ADAP1: variants seen among roughly 807,000 people sequenced by gnomAD.
The protein encoded by ADAP1 is arf-GAP with dual PH domain-containing protein 1.
Under a neutral mutation model 54.9 loss-of-function variants are expected in ADAP1, and 31 were observed. The observed-to-expected ratio is 0.56, with a 90% CI of 0.42 to 0.76. The LOEUF is 0.76. Ranked by LOEUF, ADAP1 falls within the 30% of genes least tolerant of loss-of-function variation. The pLI is 0.00. For missense variants in ADAP1, 535 were observed against 512.4 expected (o/e 1.04, Z -0.42); for synonymous variants, 313 against 202.6 (o/e 1.55, Z -4.63).
chr7:919,901 T>TGGGGGAGGGAGGGAGAGAGCCA, intron 4 of ADAP1, 67 bp downstream of exon 4: 3 of 700,230 alleles, frequency 4.3e-6, no homozygotes, highest in Non-Finnish European at 5.6e-6. Flanking sequence ...GGGAAAGAGA[T>TGGGGGAGGGAGGGAGAGAGCCA]GGGGGAGGGA....
At chr7:922,170 G>A (rs1408772967) in intron 3 of ADAP1, among the ~76,000 whole-genome samples, 1 of 152,122 alleles carries the variant, frequency 6.6e-6, no homozygotes, top group African/African-American at 2.4e-5. Flanking sequence ...ACGTGGTCAC[G>A]AGGAGGTGGG....
intron 7 of ADAP1, 92 bp downstream of exon 7, chr7:900,441 C>A (rs148868437): frequency 2.2e-6 from 3 of 1,372,852 alleles, no homozygotes; most frequent in African/African-American, 2.9e-5. Context: ...TAGGGCTCAA[C>A]ATCATCCCAG....
At chr7:942,622 G>C (rs868865158) in intron 1 of ADAP1, among the ~76,000 whole-genome samples, 859 of 27,250 alleles carry the variant, frequency 0.032, no homozygotes, top group South Asian at 0.059. Context: ...AAGGGAGAGA[G>C]GAGGAGGAAG....
rs753011009 is a variant in ADAP1, at chr7:899,534, G to C, written c.796-44C>G. The C allele has an allele frequency of 3.1e-6, 5 of 1,593,346 alleles. No individual in the cohort carries two copies. In the South Asian group the frequency reaches 5.7e-5, roughly 18 times the overall value. ...CCGTGACCGGCAGGTCGCCGAGGCA[G>C]GCCCTACATCCAGCTGACCACAGCA... On this transcript the variant is annotated intron_variant, in intron 8 of 10. Coordinates refer to ENST00000265846, the MANE Select transcript of ADAP1 (RefSeq NM_006869.4).
At chr7:944,894 G>C (rs1029262774) in intron 1 of ADAP1, among the ~76,000 whole-genome samples, 2 of 151,980 alleles carry the variant, frequency 1.3e-5, no homozygotes, top group African/African-American at 4.8e-5. Flanking sequence ...ACCCTGGGAG[G>C]GAAGAGCCCG....
chr7:914,640 C>T lies in ADAP1; in HGVS notation c.388+5328G>A, dbSNP rs989850142. Among the ~76,000 whole-genome samples the T allele has an allele frequency of 5.3e-5, 8 of 152,296 alleles. 2 individuals are homozygous for T. The highest frequency in any genetic ancestry group is 4.1e-4 in the South Asian group (2 of 4,828). Reference sequence around the variant, plus strand: ...ATGGACACCTGCTCCCTCATCCATCCAGCAAAGGGCAGAACCTAGGGTTCC... The same window carrying T: ...ATGGACACCTGCTCCCTCATCCATCTAGCAAAGGGCAGAACCTAGGGTTCC... On this transcript the variant is annotated intron_variant, in intron 4 of 10. Transcript: ENST00000265846.
chr7:906,906 A>T lies in ADAP1; in HGVS notation c.389-1734T>A, dbSNP rs546323537. The stretch of plus-strand genomic sequence containing the variant: ...AACCCTGGCCCAAGCCAGCCTGAGG[A>T]CGGCCTGGATGAGCGGGACTCCAGC... On this transcript the variant is annotated intron_variant, in intron 4 of 10. Transcript: ENST00000265846. 9.1e-5 allele frequency among the ~76,000 whole-genome samples: 13 copies of T among 142,560 alleles called. No individual in the cohort carries two copies. In the South Asian group the frequency reaches 3.0e-3, roughly 33 times the overall value. The allele number at this position is 142,560 out of a possible 152,430, so 93.5% of individuals were successfully genotyped here.
intron 4 of ADAP1, among the ~76,000 whole-genome samples, chr7:915,268 A>G (rs1401674650): frequency 6.6e-6 from 1 of 152,002 alleles, no homozygotes; most frequent in Non-Finnish European, 1.5e-5. Flanking sequence ...TGTGCCGCAC[A>G]CACCCGTACA....
upstream of ADAP1, chr7:955,345 T>G: frequency 6.5e-7 from 1 of 1,550,362 alleles, no homozygotes; most frequent in Non-Finnish European, 8.7e-7. Context: ...TCTTTTCAAA[T>G]TCTTTCCATT....
intron 4 of ADAP1, among the ~76,000 whole-genome samples, chr7:906,537 AGGAGAAGGGAGAAAG>A (rs199735610): frequency 3.1e-5 from 1 of 32,394 alleles, no homozygotes; most frequent in Non-Finnish European, 5.5e-5. Flanking sequence ...GAAAGGAGAA[AGGAGAAGGGAGAAAG>A]GGAGAAAGGG....
intron 5 of ADAP1, among the ~76,000 whole-genome samples, chr7:904,848 C>T (rs963349601): frequency 1.3e-5 from 2 of 152,210 alleles, no homozygotes; most frequent in Non-Finnish European, 2.9e-5. Flanking sequence ...CGCCCAGGCT[C>T]CTGGAAAGCC....
At chr7:951,101 G>A (rs144753527) in intron 1 of ADAP1, among the ~76,000 whole-genome samples, 98 of 152,074 alleles carry the variant, frequency 6.4e-4, no homozygotes, top group African/African-American at 2.0e-3. Flanking sequence ...CCGGCCAGGC[G>A]CGGTGGCTCA....
intron 4 of ADAP1, among the ~76,000 whole-genome samples, chr7:911,535 A>AAG (rs1845722505): frequency 1.4e-5 from 2 of 140,440 alleles, no homozygotes; most frequent in Non-Finnish European, 3.0e-5. Context: ...ATGCCAGGAA[A>AAG]GGGGCGGGGA....
chr7:898,709 G>A lies in ADAP1; in HGVS notation c.*212C>T. ...GTGTGGTCAGCAGCAGCATGACGGG[G>A]TTAGAGATCAGGCCCAGGGCCTGGG... is the stretch of plus-strand genomic sequence containing the variant. On this transcript the variant is annotated 3_prime_UTR_variant, in exon 11 of 11. Transcript: ENST00000265846. 3.1e-6 allele frequency: 2 copies of A among 637,432 alleles called. No individual in the cohort carries two copies. Among genetic ancestry groups the A allele is most frequent in the South Asian group, 1.9e-5 (1 of 52,822 alleles). The allele number at this position is 637,432 out of a possible 1,614,324, so 39.5% of individuals were successfully genotyped here. A position where few individuals can be genotyped will look rare whatever the true frequency, so the allele number is the denominator to read the frequency against.
intron 5 of ADAP1, 65 bp downstream of exon 5, chr7:904,995 C>T (rs1269095211): frequency 2.1e-6 from 3 of 1,416,104 alleles, no homozygotes; most frequent in African/African-American, 2.8e-5. Flanking sequence ...ACCACAGGCC[C>T]CAGTGTGGGA....
intron 2 of ADAP1, chr7:927,338 C>G: frequency 1.1e-6 from 1 of 948,758 alleles, no homozygotes; most frequent in African/African-American, 1.7e-5. Flanking sequence ...TGGACGCTGG[C>G]AATGACCCTG....
At chr7:914,405 G>A (rs779528838) in intron 4 of ADAP1, among the ~76,000 whole-genome samples, 2 of 152,216 alleles carry the variant, frequency 1.3e-5, no homozygotes, top group South Asian at 4.1e-4. Flanking sequence ...CAGGAACGCC[G>A]CCGGGAATCC....
rs527337224 is a variant in ADAP1 at position 912,678 on chromosome 7, G to C, written c.388+7290C>G. On this transcript the variant is annotated intron_variant, in intron 4 of 10. Coordinates refer to ENST00000265846, the MANE Select transcript of ADAP1 (RefSeq NM_006869.4). ...GGTTACTGCAACGTGCACCTCGAGA[G>C]GTGTTTCCGCTTCCCTCACTCCTCT... Among the ~76,000 whole-genome samples the C allele has an allele frequency of 5.3e-5, 8 of 152,334 alleles. No individual in the cohort carries two copies. The South Asian group carries it at 1.7e-3, about 32-fold the overall frequency.
intron 8 of ADAP1, among the ~76,000 whole-genome samples, chr7:899,886 T>TGGTCAGACGTGAGCGGGCAGGGAG (rs1248946783): frequency 6.6e-6 from 1 of 152,112 alleles, no homozygotes; most frequent in Non-Finnish European, 1.5e-5. Flanking sequence ...GTGAGGAAGC[T>TGGTCAGACGTGAGCGGGCAGGGAG]GGTCAGACGT....
Sources: allele counts gnomAD v4.1 joint callset (sites outside exome capture counted in the v4.1 genomes callset), GRCh38; gene constraint gnomAD v4.1.1; transcripts MANE v1.5; gene names NCBI Gene and HGNC (gene_info 2026-07-23, HGNC 2026-07-21).